CD2AP: variants seen among roughly 807,000 people sequenced by gnomAD.
CD2AP encodes the protein CD2 associated protein, also known as CD2-associated protein.
In CD2AP, 46 loss-of-function variants were observed where a neutral mutation model predicts 85.1. The ratio of observed to expected loss-of-function variants is 0.54; its 90% confidence interval spans 0.43 to 0.69. The LOEUF (loss-of-function observed/expected upper bound fraction) is 0.69. Among genes scored for constraint, CD2AP ranks in the 30% least tolerant of loss-of-function variants. The probability of loss-of-function intolerance (pLI) is 0.00; values close to 1 mark genes in which losing one functional copy is unlikely to be tolerated. For missense variants in CD2AP, 769 were observed against 729.5 expected (o/e 1.05, Z -0.62); for synonymous variants, 255 against 252.9 (o/e 1.01, Z -0.08).
At chr6:47,608,820 T>C (rs932521091) in intron 15 of CD2AP, among the ~76,000 whole-genome samples, 3 of 152,200 alleles carry the variant, frequency 2.0e-5, no homozygotes, top group African/African-American at 7.2e-5. Context: ...TTTATAATGC[T>C]GTTACATTCT....
At chr6:47,508,927 C>A (rs545109951) in intron 2 of CD2AP, among the ~76,000 whole-genome samples, 1 of 152,110 alleles carries the variant, frequency 6.6e-6, no homozygotes. Context: ...CCTTCAAGAC[C>A]TTTGTCTTTG....
At chr6:47,617,315 C>T (rs142007124) in intron 17 of CD2AP, among the ~76,000 whole-genome samples, 167 of 152,198 alleles carry the variant, frequency 1.1e-3, no homozygotes, top group African/African-American at 3.6e-3. Flanking sequence ...CACTGGTATC[C>T]TTGGCTTTTC....
intron 12 of CD2AP, 86 bp downstream of exon 12, chr6:47,596,112 A>G (rs1768937988): frequency 1.1e-6 from 1 of 949,168 alleles, no homozygotes; most frequent in Non-Finnish European, 1.7e-6. Flanking sequence ...ATCTCCAGGT[A>G]TGTTTTTTCT....
At chr6:47,507,692 G>A (rs541134824) in intron 2 of CD2AP, among the ~76,000 whole-genome samples, 6 of 152,212 alleles carry the variant, frequency 3.9e-5, no homozygotes, top group Admixed American at 1.3e-4. Flanking sequence ...TGATCTGCCC[G>A]CCTTGGCCTC....
intron 16 of CD2AP, 31 bp from the exon 17 acceptor site, chr6:47,612,440 AAG>A: frequency 7.0e-7 from 1 of 1,421,378 alleles, no homozygotes; most frequent in Non-Finnish European, 9.9e-7. Flanking sequence ...ATTTAATCGA[AAG>A]ACTTAACAGT....
chr6:47,535,248 A>G (rs557869786), intron 3 of CD2AP, among the ~76,000 whole-genome samples: 3 of 152,232 alleles, frequency 2.0e-5, no homozygotes, highest in Admixed American at 1.3e-4. Context: ...AAAAACTGCA[A>G]CCTCTGGCAT....
chr6:47,488,605 C>T (rs938659695), intron 1 of CD2AP, among the ~76,000 whole-genome samples: 6 of 151,642 alleles, frequency 4.0e-5, no homozygotes, highest in Non-Finnish European at 7.4e-5. Context: ...TCAGTTTGGA[C>T]TAGCCACATT....
At chr6:47,601,224 T>C (rs185802611) in intron 13 of CD2AP, among the ~76,000 whole-genome samples, 1 of 152,096 alleles carries the variant, frequency 6.6e-6, no homozygotes, top group Admixed American at 6.6e-5. Flanking sequence ...CTTTTATACA[T>C]AGCTGTTATT....
At chr6:47,542,889 G>A (rs1374820653) in intron 3 of CD2AP, among the ~76,000 whole-genome samples, 4 of 151,994 alleles carry the variant, frequency 2.6e-5, no homozygotes, top group South Asian at 2.1e-4. Flanking sequence ...GGTAGCTCAC[G>A]CCTGTAATCC....
intron 2 of CD2AP, among the ~76,000 whole-genome samples, chr6:47,506,770 G>T (rs1447176617): frequency 7.0e-6 from 1 of 143,434 alleles, no homozygotes; most frequent in Non-Finnish European, 1.5e-5. Context: ...CCGCATGAGA[G>T]GGAGACCGTG....
At chr6:47,563,026 A>G (rs1375704645) in intron 5 of CD2AP, 2 of 345,676 alleles carry the variant, frequency 5.8e-6, no homozygotes, top group Non-Finnish European at 1.1e-5. Context: ...AAATGAACAA[A>G]TAAAACTTTG....
chr6:47,478,101 G>A lies in CD2AP; in HGVS notation c.-144G>A. 1 of 1,056,316 alleles carries A rather than the reference G, an allele frequency of 9.5e-7. No homozygotes were observed. The highest frequency in any genetic ancestry group is 1.6e-5 in the African/African-American group (1 of 63,126). 65.4% of individuals were successfully genotyped at this position (1,056,316 alleles called of 1,614,324 possible). On this transcript the variant is annotated 5_prime_UTR_variant, in exon 1 of 18. Coordinates refer to ENST00000359314, the MANE Select transcript of CD2AP (RefSeq NM_012120.3). ...AGGAGAGCGCCGCGGGCGGATGGAG[G>A]CGACTCTTCGCCCCGCCTGAGCTCA...
intron 1 of CD2AP, chr6:47,489,164 G>GTTTTTTTTTTTTTTTTTTTTTTTTTTTT: frequency 8.0e-6 from 1 of 125,736 alleles, no homozygotes; most frequent in Non-Finnish European, 1.6e-5. Flanking sequence ...CACTCAACTA[G>GTTTTTTTTTTTTTTTTTTTTTTTTTTTT]TTTTTTTTTT....
In CD2AP at chr6:47,478,191, T is replaced by G; in HGVS notation, c.-54T>G. On this transcript the variant is annotated 5_prime_UTR_variant, in exon 1 of 18. Coordinates refer to ENST00000359314, the MANE Select transcript of CD2AP (RefSeq NM_012120.3). ...CGGGAGCGGCCGCGCGAGCCACCACTGGAGGAGGAGGAGGAGGAGCGGACG... is the reference window on the plus strand; with the variant it reads ...CGGGAGCGGCCGCGCGAGCCACCACGGGAGGAGGAGGAGGAGGAGCGGACG... 2 of 1,506,246 alleles carry G rather than the reference T, an allele frequency of 1.3e-6. No individual in the cohort carries two copies. Among genetic ancestry groups the G allele is most frequent in the Admixed American group, 2.0e-5 (1 of 50,938 alleles). The allele number at this position is 1,506,246 out of a possible 1,614,324, so 93.3% of individuals were successfully genotyped here. A position where few individuals can be genotyped will look rare whatever the true frequency, so the allele number is the denominator to read the frequency against.
rs756675361 is a variant in CD2AP, at chr6:47,533,772, T to C, written c.319+17T>C. The C allele has an allele frequency of 2.5e-6, 4 of 1,611,686 alleles. No individual in the cohort carries two copies. Among genetic ancestry groups the C allele is most frequent in the Non-Finnish European group, 3.4e-6 (4 of 1,178,310 alleles). On this transcript the variant is annotated intron_variant, in intron 3 of 17. Coordinates refer to ENST00000359314, the MANE Select transcript of CD2AP (RefSeq NM_012120.3). ...TTAAGAAGAGTATGTAAATAATTCCTTTCCTGCATAATTACATCAAAATAG... is the reference window on the plus strand; with the variant it reads ...TTAAGAAGAGTATGTAAATAATTCCCTTCCTGCATAATTACATCAAAATAG...
chr6:47,493,002 T>C (rs1263565206), intron 1 of CD2AP, among the ~76,000 whole-genome samples: 2 of 152,234 alleles, frequency 1.3e-5, no homozygotes, highest in African/African-American at 2.4e-5. Flanking sequence ...GCTGGTACCA[T>C]AGAGTATTCC....
chr6:47,574,719 A>G (rs1304185080), intron 6 of CD2AP, among the ~76,000 whole-genome samples: 1 of 151,926 alleles, frequency 6.6e-6, no homozygotes, highest in African/African-American at 2.4e-5. Context: ...ACATTCATTA[A>G]ATTTACTAAA....
At chr6:47,503,066 C>A (rs2113980998) in intron 1 of CD2AP, among the ~76,000 whole-genome samples, 1 of 152,210 alleles carries the variant, frequency 6.6e-6, no homozygotes, top group East Asian at 1.9e-4. Flanking sequence ...TTTTGAGGCT[C>A]CCACTTAATA....
chr6:47,577,901 TATAAG>T (rs1768356045), intron 8 of CD2AP, among the ~76,000 whole-genome samples: 1 of 152,144 alleles, frequency 6.6e-6, no homozygotes, highest in Admixed American at 6.5e-5. Flanking sequence ...CTGACTTTGT[TATAAG>T]ATGTCATAGT....
Sources: allele counts gnomAD v4.1 joint callset (sites outside exome capture counted in the v4.1 genomes callset), GRCh38; gene constraint gnomAD v4.1.1; transcripts MANE v1.5; gene names NCBI Gene and HGNC (gene_info 2026-07-23, HGNC 2026-07-21).